GALNT17: variants seen among roughly 807,000 people sequenced by gnomAD.
The protein encoded by GALNT17 is polypeptide N-acetylgalactosaminyltransferase 17, also known as UDP-GalNAc:polypeptide N-acetylgalactosaminyltransferase-like 3.
A neutral mutation model predicts 63.7 loss-of-function variants in GALNT17; 29 were observed. The observed-to-expected ratio is 0.46, with a 90% CI of 0.34 to 0.62. The LOEUF (loss-of-function observed/expected upper bound fraction) is 0.62, where lower values mean the gene tolerates loss of function less well. Ranked by LOEUF, GALNT17 falls within the 20% of genes least tolerant of loss-of-function variation. The probability of loss-of-function intolerance (pLI) is 0.01; values close to 1 mark genes in which losing one functional copy is unlikely to be tolerated. For missense variants in GALNT17, 603 were observed against 799.6 expected (o/e 0.75, Z 2.97); for synonymous variants, 305 against 318.3 (o/e 0.96, Z 0.45).
At chr7:71,332,698 G>A (rs1035130587) in intron 1 of GALNT17, among the ~76,000 whole-genome samples, 2 of 151,118 alleles carry the variant, frequency 1.3e-5, no homozygotes, top group African/African-American at 4.9e-5. Flanking sequence ...TGTTTGTTTT[G>A]TTTTTGTTTT....
At chr7:71,578,621 C>T (rs952208225) in intron 6 of GALNT17, among the ~76,000 whole-genome samples, 3 of 152,122 alleles carry the variant, frequency 2.0e-5, no homozygotes, top group Non-Finnish European at 2.9e-5. Flanking sequence ...GGACCACAGC[C>T]GTGAGCCACT....
chr7:71,553,789 T>G (rs903591604), intron 5 of GALNT17, among the ~76,000 whole-genome samples: 6 of 152,246 alleles, frequency 3.9e-5, no homozygotes, highest in Non-Finnish European at 8.8e-5. Context: ...CATTGAAAAC[T>G]CCATCTCTTT....
chr7:71,686,462 C>A (rs1791360339), intron 9 of GALNT17, among the ~76,000 whole-genome samples: 1 of 152,028 alleles, frequency 6.6e-6, no homozygotes, highest in African/African-American at 2.4e-5. Context: ...CTCACTGTGA[C>A]CTTGAACTCC....
At chr7:71,199,059 C>G (rs765205491) in intron 1 of GALNT17, among the ~76,000 whole-genome samples, 2 of 152,066 alleles carry the variant, frequency 1.3e-5, no homozygotes, top group African/African-American at 2.4e-5. Flanking sequence ...TCTATGTGGC[C>G]GCGGCCTCTA....
rs58037675 is a variant in GALNT17 at position 71,667,805 on chromosome 7, A to ATTT, written c.1267-2157_1267-2155dup. Among the ~76,000 whole-genome samples, 525 of 148,944 alleles carry ATTT rather than the reference A, an allele frequency of 3.5e-3. 3 individuals are homozygous for ATTT. Among genetic ancestry groups the ATTT allele is most frequent in the African/African-American group, 0.012 (484 of 40,648 alleles). ...TATTATTCCTGTTTTATAAAGGGGAATTTTTTTTTTTTGAGATAGGATCTC... is the reference window on the plus strand; with the variant it reads ...TATTATTCCTGTTTTATAAAGGGGAATTTTTTTTTTTTTTTGAGATAGGATCTC... On this transcript the variant is annotated intron_variant, in intron 7 of 10. Coordinates refer to ENST00000333538, the MANE Select transcript of GALNT17 (RefSeq NM_022479.3).
At chr7:71,619,347 A>G (rs965976990) in intron 6 of GALNT17, among the ~76,000 whole-genome samples, 2 of 152,196 alleles carry the variant, frequency 1.3e-5, no homozygotes, top group African/African-American at 4.8e-5. Flanking sequence ...TGGTTGTTTA[A>G]TAGGAATAAC....
At chr7:71,232,622 C>T (rs1403073252) in intron 1 of GALNT17, among the ~76,000 whole-genome samples, 1 of 152,128 alleles carries the variant, frequency 6.6e-6, no homozygotes, top group Non-Finnish European at 1.5e-5. Context: ...TAGAAGAAAC[C>T]AGCTTTATGG....
intron 5 of GALNT17, among the ~76,000 whole-genome samples, chr7:71,480,202 GTCAC>G (rs1203588840): frequency 9.0e-6 from 1 of 110,570 alleles, no homozygotes; most frequent in African/African-American, 3.6e-5. Context: ...GGCTCTCTCT[GTCAC>G]TCAGGCTGGA....
intron 1 of GALNT17, among the ~76,000 whole-genome samples, chr7:71,229,037 A>G (rs531917967): frequency 6.6e-6 from 1 of 152,284 alleles, no homozygotes; most frequent in South Asian, 2.1e-4. Context: ...GTGAAAGGCA[A>G]TTCAACAGTG....
At chr7:71,440,077 C>T (rs1230033301) in intron 5 of GALNT17, among the ~76,000 whole-genome samples, 6 of 151,314 alleles carry the variant, frequency 4.0e-5, no homozygotes, top group African/African-American at 9.7e-5. Context: ...CCCGAGCATG[C>T]GCCACCACGC....
At chr7:71,156,579 G>GTCCTTCCTTCCTTCCTTCCTTCCT (rs61515412) in intron 1 of GALNT17, among the ~76,000 whole-genome samples, 2,359 of 139,826 alleles carry the variant, frequency 0.017, 64 homozygotes, top group African/African-American at 0.04. Flanking sequence ...CACATGAGAT[G>GTCCTTCCTTCCTTCCTTCCTTCCT]TCCTTCCTTC....
chr7:71,133,636 TG>T, intron 1 of GALNT17, among the ~76,000 whole-genome samples: 1 of 152,222 alleles, frequency 6.6e-6, no homozygotes, highest in South Asian at 2.1e-4. Context: ...GAGGGGCGAT[TG>T]TTAAAGCTCA....
At chr7:71,548,739 T>C (rs1789027803) in intron 5 of GALNT17, among the ~76,000 whole-genome samples, 1 of 152,202 alleles carries the variant, frequency 6.6e-6, no homozygotes. Flanking sequence ...TATTTCTTCA[T>C]AGGAGTGTGA....
At chr7:71,453,064 A>G (rs1016317205) in intron 5 of GALNT17, among the ~76,000 whole-genome samples, 2 of 152,160 alleles carry the variant, frequency 1.3e-5, no homozygotes, top group African/African-American at 4.8e-5. Flanking sequence ...CCAGGAGGGT[A>G]AGAGACATGC....
intron 5 of GALNT17, among the ~76,000 whole-genome samples, chr7:71,443,015 G>A (rs1189881448): frequency 2.0e-5 from 3 of 152,144 alleles, no homozygotes; most frequent in African/African-American, 4.8e-5. Flanking sequence ...TTGAATTTCC[G>A]ACTGTGGTTT....
At chr7:71,305,977 G>A (rs963786648) in intron 1 of GALNT17, among the ~76,000 whole-genome samples, 1 of 152,354 alleles carries the variant, frequency 6.6e-6, no homozygotes, top group Admixed American at 6.5e-5. Flanking sequence ...CCAGCACTTT[G>A]GGAGGCTGAG....
At chr7:71,162,491 A>T (rs1562876134) in intron 1 of GALNT17, among the ~76,000 whole-genome samples, 1 of 151,982 alleles carries the variant, frequency 6.6e-6, no homozygotes, top group Non-Finnish European at 1.5e-5. Context: ...GAAAAATGAG[A>T]ATGTGAGCTC....
chr7:71,245,486 C>T (rs1278989947), intron 1 of GALNT17, among the ~76,000 whole-genome samples: 1 of 152,048 alleles, frequency 6.6e-6, no homozygotes, highest in Non-Finnish European at 1.5e-5. Context: ...AAGGGGGAGG[C>T]AGGTGGAAAA....
At chr7:71,603,985 CCTATGCTAAGTGCATACAGTGGATA>C (rs1790008439) in intron 6 of GALNT17, among the ~76,000 whole-genome samples, 1 of 98,390 alleles carries the variant, frequency 1.0e-5, no homozygotes, top group South Asian at 3.6e-4. Flanking sequence ...TATACCAGGT[CCTATGCTAAGTGCATACAGTGGATA>C]CTATGCTAAG....
Sources: gnomAD v4.1 joint callset for allele counts (sites outside exome capture counted in the v4.1 genomes callset) on GRCh38, gnomAD v4.1.1 for gene constraint, MANE v1.5 for transcripts, NCBI Gene and HGNC (gene_info 2026-07-23, HGNC 2026-07-21) for gene names.